Variants in RBM47 observed in about 807,000 individuals in gnomAD.
RBM47 encodes the protein RNA binding motif protein 47, also known as RNA-binding protein 47.
RBM47 carries 21 observed loss-of-function variants against 47.1 expected under a neutral mutation model. The ratio of observed to expected loss-of-function variants is 0.45; its 90% CI spans 0.32 to 0.64. The LOEUF (loss-of-function observed/expected upper bound fraction) is 0.64, where lower values mean the gene tolerates loss of function less well. Ranked by LOEUF, RBM47 falls within the 30% of genes least tolerant of loss-of-function variation. RBM47 has a pLI of 0.05. For synonymous variants in RBM47, 375 were observed against 361.7 expected (o/e 1.04, Z -0.42); for missense variants, 708 against 870.9 (o/e 0.81, Z 2.35).
chr4:40,475,908 G>A (rs17441026), intron 2 of RBM47, among the ~76,000 whole-genome samples: 7,013 of 152,224 alleles, frequency 0.046, 206 homozygotes, highest in Non-Finnish European at 0.07. Flanking sequence ...AAAGAAGGGA[G>A]GTGTTAAAAC....
At chr4:40,556,834 G>A (rs1031520983) in intron 1 of RBM47, among the ~76,000 whole-genome samples, 1 of 152,090 alleles carries the variant, frequency 6.6e-6, no homozygotes, top group Non-Finnish European at 1.5e-5. Flanking sequence ...AGGTTGCAGT[G>A]AGCTGAGTTT....
chr4:40,499,567 G>A (rs536798604), intron 2 of RBM47, among the ~76,000 whole-genome samples: 28 of 152,204 alleles, frequency 1.8e-4, no homozygotes, highest in African/African-American at 6.5e-4. Context: ...ACACTACCAC[G>A]TCCAGCTAAT....
In RBM47 at chr4:40,423,700, CTTTCTTT is replaced by C. The variant is rs1714670121; in HGVS notation, c.*2197_*2203del. 1.3e-5 allele frequency: 1 copy of C among 75,098 alleles called. No homozygotes were observed. The highest frequency in any genetic ancestry group is 2.5e-5 in the Non-Finnish European group (1 of 40,214). 4.7% of individuals were successfully genotyped at this position (75,098 alleles called of 1,614,324 possible). ...TCTTTCTTTCTTTCTTTCTTTCTTT[CTTTCTTT>C]CTTTCTTTTCTTTCTTTTCTTTCTT... On this transcript the variant is annotated 3_prime_UTR_variant, in exon 7 of 7. Transcript: ENST00000295971.
chr4:40,448,378 G>T (rs1213980407), intron 3 of RBM47, among the ~76,000 whole-genome samples: 1 of 152,100 alleles, frequency 6.6e-6, no homozygotes, highest in Non-Finnish European at 1.5e-5. Flanking sequence ...CTGACAAATT[G>T]CAATTTGAAG....
rs372574077 is a variant in RBM47 at position 40,426,037 on chromosome 4, G to T, written c.1649C>A (p.Ala550Asp). ...SYVPFAAPATATIATLQKNAA... is the reference protein window; with the variant it reads ...SYVPFAAPATDTIATLQKNAA... ...GTTCTTCTGTAGTGTGGCGATCGTGGCTGTAGCTGGAGCAGCAAATGGCAC... is the reference window on the plus strand; with the variant it reads ...GTTCTTCTGTAGTGTGGCGATCGTGTCTGTAGCTGGAGCAGCAAATGGCAC... Residue 550 changes from alanine to aspartate, a missense_variant, in exon 7 of 7, where the codon GCC (alanine) becomes GAC (aspartate). Physicochemically the swap from Ala to Asp is moderately radical, Grantham distance 126 (BLOSUM62 -2). Transcript: ENST00000295971. The T allele has an allele frequency of 6.2e-7, 1 of 1,614,114 alleles. No homozygotes were observed. The highest frequency in any genetic ancestry group is 8.5e-7 in the Non-Finnish European group (1 of 1,180,056).
chr4:40,525,099 T>C (rs1726565481), intron 2 of RBM47, among the ~76,000 whole-genome samples: 1 of 152,190 alleles, frequency 6.6e-6, no homozygotes, highest in Admixed American at 6.5e-5. Context: ...TGCACCCAAC[T>C]AGGGGACCTC....
intron 1 of RBM47, among the ~76,000 whole-genome samples, chr4:40,616,878 T>TC (rs973342802): frequency 1.7e-4 from 24 of 140,902 alleles, no homozygotes; most frequent in African/African-American, 5.5e-4. Flanking sequence ...TCTTTTCTTT[T>TC]TTTTTTTTTT....
chr4:40,541,904 G>A (rs1407664787), intron 2 of RBM47, among the ~76,000 whole-genome samples: 2 of 152,134 alleles, frequency 1.3e-5, no homozygotes, highest in African/African-American at 4.8e-5. Context: ...GCCCTTGGTG[G>A]GAGAATCGTA....
At chr4:40,616,590 A>G (rs892862711) in intron 1 of RBM47, among the ~76,000 whole-genome samples, 28 of 152,156 alleles carry the variant, frequency 1.8e-4, no homozygotes, top group African/African-American at 6.7e-4. Context: ...GGTACTAGAA[A>G]CTCAAAAACT....
intron 1 of RBM47, among the ~76,000 whole-genome samples, chr4:40,576,383 T>TGGGCTCA (rs1732341734): frequency 6.6e-6 from 1 of 151,686 alleles, no homozygotes; most frequent in African/African-American, 2.4e-5. Flanking sequence ...CTTGAACTCC[T>TGGGCTCA]AGCCTGAGCA....
chr4:40,455,925 C>T (rs988833167), intron 3 of RBM47, among the ~76,000 whole-genome samples: 5 of 152,016 alleles, frequency 3.3e-5, no homozygotes, highest in Non-Finnish European at 5.9e-5. Flanking sequence ...TGGCAAGATA[C>T]TTTTTAAAAT....
chr4:40,524,363 G>C (rs186851359), intron 2 of RBM47, among the ~76,000 whole-genome samples: 37 of 152,280 alleles, frequency 2.4e-4, no homozygotes, highest in African/African-American at 7.9e-4. Flanking sequence ...CAAAATCTCA[G>C]CTTGTACCTA....
chr4:40,441,410 A>G (rs1713640950), intron 3 of RBM47, among the ~76,000 whole-genome samples: 1 of 151,978 alleles, frequency 6.6e-6, no homozygotes, highest in South Asian at 2.1e-4. Context: ...GAGCCACCAC[A>G]CCCAACCAAG....
At position 40,487,758 on chromosome 4, in the gene RBM47, T is replaced by C. The variant is rs1406968892; in HGVS notation, c.-154-21059A>G. 2.6e-5 allele frequency among the ~76,000 whole-genome samples: 4 copies of C among 152,100 alleles called. No homozygotes were observed. In the South Asian group the frequency reaches 8.3e-4, roughly 32 times the overall value. On this transcript the variant is annotated intron_variant, in intron 2 of 6. Coordinates refer to ENST00000295971, the MANE Select transcript of RBM47 (RefSeq NM_001098634.2). ...AAATTTAATTGTTATTAATATATTA[T>C]TGATTATTCACACTAAATTTAGTCT...
In RBM47 at chr4:40,523,399, C is replaced by G. The variant is rs531640182; in HGVS notation, c.-155+21023G>C. Among the ~76,000 whole-genome samples, 27 of 152,098 alleles carry G rather than the reference C, an allele frequency of 1.8e-4. 1 individual carries two copies. The Middle Eastern group carries it at 0.031, about 172-fold the overall frequency. Reference sequence around the variant, plus strand: ...GGCGTGGTGGCTCACGCCTATAATCCCAGCACTTTGGGAGGCCAAGACGGG... The same window carrying G: ...GGCGTGGTGGCTCACGCCTATAATCGCAGCACTTTGGGAGGCCAAGACGGG... On this transcript the variant is annotated intron_variant, in intron 2 of 6. Coordinates refer to ENST00000295971, the MANE Select transcript of RBM47 (RefSeq NM_001098634.2).
intron 3 of RBM47, among the ~76,000 whole-genome samples, chr4:40,441,991 T>G (rs1456725602): frequency 1.3e-5 from 2 of 152,192 alleles, no homozygotes; most frequent in African/African-American, 2.4e-5. Flanking sequence ...TCACGATTGA[T>G]TTTTTTCACT....
At chr4:40,529,514 A>AT (rs1727145022) in intron 2 of RBM47, among the ~76,000 whole-genome samples, 10 of 94,576 alleles carry the variant, frequency 1.1e-4, no homozygotes, top group South Asian at 3.6e-4. Flanking sequence ...AGACTCTGTC[A>AT]CAAAAAAAAA....
intron 2 of RBM47, among the ~76,000 whole-genome samples, chr4:40,473,182 A>T (rs1485333809): frequency 6.6e-6 from 1 of 152,220 alleles, no homozygotes; most frequent in Non-Finnish European, 1.5e-5. Flanking sequence ...GGCACTAAGC[A>T]TTCCACATAC....
At chr4:40,519,047 A>T (rs1725912572) in intron 2 of RBM47, among the ~76,000 whole-genome samples, 1 of 151,314 alleles carries the variant, frequency 6.6e-6, no homozygotes, top group African/African-American at 2.4e-5. Context: ...AAAAAATATA[A>T]AAAATGATCC....
Sources: gnomAD v4.1 joint callset for allele counts (sites outside exome capture counted in the v4.1 genomes callset) on GRCh38, gnomAD v4.1.1 for gene constraint, MANE v1.5 for transcripts, NCBI Gene and HGNC (gene_info 2026-07-23, HGNC 2026-07-21) for gene names.